BTAF1: variants seen among roughly 807,000 people sequenced by gnomAD.
The protein encoded by BTAF1 is B-TFIID TATA-box binding protein associated factor 1.
A neutral mutation model predicts 227.1 loss-of-function variants in BTAF1; 38 were observed. The observed-to-expected ratio is 0.17, with a 90% CI of 0.13 to 0.22. BTAF1 has a LOEUF of 0.22. BTAF1 is among the 10% of genes least tolerant of loss of function. BTAF1 has a pLI of 1.00. For synonymous variants in BTAF1, 742 were observed against 751.9 expected (o/e 0.99, Z 0.21); for missense variants, 1,598 against 2,204.0 (o/e 0.73, Z 5.51).
intron 13 of BTAF1, among the ~76,000 whole-genome samples, chr10:91,966,287 C>G (rs1846906176): frequency 6.6e-6 from 1 of 152,192 alleles, no homozygotes; most frequent in South Asian, 2.1e-4. Context: ...ATCATGTAGG[C>G]TGACTACCAG....
chr10:91,969,920 C>T (rs1847172543), intron 14 of BTAF1, among the ~76,000 whole-genome samples: 1 of 151,430 alleles, frequency 6.6e-6, no homozygotes, highest in Non-Finnish European at 1.5e-5. Context: ...GCCGAGATTG[C>T]ACCACTGCCA....
intron 6 of BTAF1, among the ~76,000 whole-genome samples, chr10:91,956,150 C>T (rs1389988227): frequency 6.6e-6 from 1 of 151,900 alleles, no homozygotes; most frequent in African/African-American, 2.4e-5. Context: ...TTAGTTTTCT[C>T]TAGTATATAA....
At chr10:91,931,884 CAAAG>C (rs1485599069) in intron 1 of BTAF1, among the ~76,000 whole-genome samples, 1 of 152,132 alleles carries the variant, frequency 6.6e-6, no homozygotes, top group Non-Finnish European at 1.5e-5. Context: ...TCAAGAGAAT[CAAAG>C]AAGCATTCTT....
intron 14 of BTAF1, among the ~76,000 whole-genome samples, chr10:91,977,397 CTG>C (rs1394979062): frequency 1.3e-5 from 2 of 152,092 alleles, no homozygotes; most frequent in Non-Finnish European, 2.9e-5. Flanking sequence ...TAAGATTTCT[CTG>C]TGTCTTTTCA....
chr10:91,988,822 G>A (rs1310815474), intron 19 of BTAF1, among the ~76,000 whole-genome samples: 3 of 152,176 alleles, frequency 2.0e-5, no homozygotes, highest in Non-Finnish European at 4.4e-5. Context: ...GTTTATATTT[G>A]CCTGTAGCTT....
At chr10:92,002,895 C>G (rs1329545843) in intron 25 of BTAF1, among the ~76,000 whole-genome samples, 2 of 152,148 alleles carry the variant, frequency 1.3e-5, no homozygotes, top group Non-Finnish European at 2.9e-5. Context: ...CATGGTGGCT[C>G]ACGCCTGTAA....
chr10:91,957,842 A>G (rs1362285878), intron 8 of BTAF1, among the ~76,000 whole-genome samples: 1 of 152,180 alleles, frequency 6.6e-6, no homozygotes, highest in Non-Finnish European at 1.5e-5. Flanking sequence ...TACTCAAGTC[A>G]TAACTCATGG....
At chr10:91,987,809 C>T (rs1478051720) in intron 19 of BTAF1, among the ~76,000 whole-genome samples, 1 of 152,188 alleles carries the variant, frequency 6.6e-6, no homozygotes, top group Non-Finnish European at 1.5e-5. Flanking sequence ...AGTTAGCTTT[C>T]TTCTTGCGCA....
At chr10:92,010,660 A>G (rs1000194534) in intron 28 of BTAF1, among the ~76,000 whole-genome samples, 2 of 152,196 alleles carry the variant, frequency 1.3e-5, no homozygotes, top group African/African-American at 4.8e-5. Context: ...TGTTTGGGTC[A>G]TGCTCCCAAA....
rs1197221081 is a variant in BTAF1, at chr10:91,997,765, AC to A, written c.3660+15del. The A allele has an allele frequency of 2.5e-6, 4 of 1,610,498 alleles. No homozygotes were observed. The highest frequency in any genetic ancestry group is 3.4e-6 in the Non-Finnish European group (4 of 1,179,512). ...ATGCCACTTGAGGTAAGTCAAAGAT[AC>A]TTGCTTTAAAGACATAATGTTTTCT... On this transcript the variant is annotated intron_variant, in intron 25 of 37. Transcript: ENST00000265990.
At chr10:91,957,160 T>C in intron 7 of BTAF1, 65 bp from the exon 8 acceptor site, 1 of 1,317,756 alleles carries the variant, frequency 7.6e-7, no homozygotes, top group Non-Finnish European at 1.1e-6. Flanking sequence ...ATTTATTAAG[T>C]TACTTAAATT....
rs147038174 is a variant in BTAF1 at position 91,979,331 on chromosome 10, A to G, written c.1651-1123A>G. ...TAATGATTTATATTCCTTTAGGTAT[A>G]TACCCAGTAAAGAAATTGCTAGGTC... On this transcript the variant is annotated intron_variant, in intron 14 of 37. Coordinates refer to ENST00000265990, the MANE Select transcript of BTAF1 (RefSeq NM_003972.3). 3.4e-4 allele frequency among the ~76,000 whole-genome samples: 52 copies of G among 152,290 alleles called. 1 individual carries two copies. In the East Asian group the frequency reaches 9.7e-3, roughly 28 times the overall value.
intron 6 of BTAF1, among the ~76,000 whole-genome samples, chr10:91,954,370 C>T (rs556550430): frequency 1.3e-5 from 2 of 152,220 alleles, no homozygotes; most frequent in Admixed American, 6.5e-5. Context: ...CAATGATAAT[C>T]TAGGCTAGTT....
intron 20 of BTAF1, among the ~76,000 whole-genome samples, chr10:91,990,576 C>T (rs1202127787): frequency 2.0e-5 from 3 of 151,912 alleles, no homozygotes; most frequent in Non-Finnish European, 2.9e-5. Context: ...AGGCGGATCA[C>T]CTGAGGTCGG....
chr10:91,984,414 GA>G lies in BTAF1; in HGVS notation c.2427+13del. The G allele has an allele frequency of 1.9e-6, 3 of 1,589,852 alleles. No individual in the cohort carries two copies. Among genetic ancestry groups the G allele is most frequent in the Non-Finnish European group, 2.6e-6 (3 of 1,166,176 alleles). ...TCAAGCTAGTGACTTGGTGAGTAAA[GA>G]AATAACTTTCTTAATTAGAGATAGA... is the stretch of plus-strand genomic sequence containing the variant. On this transcript the variant is annotated intron_variant, in intron 19 of 37. Coordinates refer to ENST00000265990, the MANE Select transcript of BTAF1 (RefSeq NM_003972.3).
At chr10:91,961,129 T>C (rs984892606) in intron 11 of BTAF1, among the ~76,000 whole-genome samples, 1 of 152,170 alleles carries the variant, frequency 6.6e-6, no homozygotes, top group Non-Finnish European at 1.5e-5. Flanking sequence ...GTCTTGACTC[T>C]GAACATAATG....
chr10:92,008,384 C>A, intron 26 of BTAF1, 109 bp downstream of exon 26: 1 of 1,116,794 alleles, frequency 9.0e-7, no homozygotes, highest in Non-Finnish European at 1.2e-6. Flanking sequence ...TGCTCTGTTG[C>A]CCAGGCTGGG....
chr10:91,959,072 A>T lies in BTAF1; in HGVS notation c.908A>T (p.His303Leu). 6.2e-7 allele frequency: 1 copy of T among 1,613,826 alleles called. No individual in the cohort carries two copies. The highest frequency in any genetic ancestry group is 8.5e-7 in the Non-Finnish European group (1 of 1,179,884). The change falls in exon 9 of 38, where the codon CAT becomes CTT. Residue 303 changes from histidine to leucine, a missense_variant. His to Leu is a moderately conservative substitution (Grantham distance 99, BLOSUM62 -3). Transcript: ENST00000265990. ...DLFNPSWEVRHGAGTGLREIL... is the reference protein window; with the variant it reads ...DLFNPSWEVRLGAGTGLREIL... ...CTTCTTTGTTCTTTTCAGGTTCGAC[A>T]TGGTGCAGGCACTGGACTTAGGGAA...
chr10:92,006,313 G>A (rs377679530), intron 25 of BTAF1, among the ~76,000 whole-genome samples: 68 of 152,134 alleles, frequency 4.5e-4, no homozygotes, highest in Non-Finnish European at 7.2e-4. Flanking sequence ...TTATCTGATA[G>A]CATACCAGAA....
Sources: gnomAD v4.1 joint callset for allele counts (sites outside exome capture counted in the v4.1 genomes callset) on GRCh38, gnomAD v4.1.1 for gene constraint, MANE v1.5 for transcripts, NCBI Gene and HGNC (gene_info 2026-07-23, HGNC 2026-07-21) for gene names.